USP50: variants seen among roughly 807,000 people sequenced by gnomAD.
USP50 encodes ubiquitin carboxyl-terminal hydrolase 50.
A neutral mutation model predicts 39.2 loss-of-function variants in USP50; 37 were observed. The observed-to-expected ratio is 0.94, with a 90% CI of 0.73 to 1.24. USP50 has a LOEUF of 1.24. USP50 is among the 50% of genes most tolerant of loss of function. USP50 has a pLI of 0.00. For synonymous variants in USP50, 139 were observed against 144.5 expected (o/e 0.96, Z 0.27); for missense variants, 374 against 398.2 (o/e 0.94, Z 0.52).
intron 6 of USP50, among the ~76,000 whole-genome samples, chr15:50,527,371 A>AT (rs549428010): frequency 0.017 from 2,575 of 150,070 alleles, 63 homozygotes; most frequent in African/African-American, 0.054. Context: ...CGCCTGGCTA[A>AT]TTTTTTTTTG....
At chr15:50,528,742 G>A (rs1240857417) in intron 6 of USP50, among the ~76,000 whole-genome samples, 1 of 152,184 alleles carries the variant, frequency 6.6e-6, no homozygotes, top group Admixed American at 6.5e-5. Flanking sequence ...TTGTTAAAGT[G>A]TGGAGGTATG....
rs1472032085 is a variant in USP50, at chr15:50,541,229, TC to T, written c.479del (p.Gly160AspfsTer33). The T allele has an allele frequency of 3.1e-6, 5 of 1,613,840 alleles. No individual in the cohort carries two copies. Among genetic ancestry groups the T allele is most frequent in the Non-Finnish European group, 4.2e-6 (5 of 1,179,896 alleles). ...HYSRRRSYEK[G>X]STQRCCRKWI... ...ACTTCCTGCAGCATCTCTGAGTAGA[TC>T]CTTTCTCATATGATCTTCTCCGGGA... On this transcript the variant is annotated frameshift_variant, in exon 4 of 7. Transcript: ENST00000532404. LOFTEE classifies it high-confidence loss of function.
At chr15:50,539,442 G>A (rs547507038) in intron 4 of USP50, among the ~76,000 whole-genome samples, 41 of 143,802 alleles carry the variant, frequency 2.9e-4, no homozygotes, top group African/African-American at 4.9e-4. Context: ...TTTTTGAGAC[G>A]GAGTCTCCCT....
chr15:50,527,889 G>A (rs999917497), intron 6 of USP50, among the ~76,000 whole-genome samples: 1 of 151,232 alleles, frequency 6.6e-6, no homozygotes, highest in Non-Finnish European at 1.5e-5. Context: ...TGCCCGCCTC[G>A]GCCTCCCAAT....
intron 5 of USP50, 74 bp downstream of exon 5, chr15:50,538,635 A>G (rs2053002397): frequency 7.0e-7 from 1 of 1,420,436 alleles, no homozygotes. Context: ...AAATGGGTGA[A>G]TTATTGGCAT....
intron 6 of USP50, chr15:50,505,425 A>G (rs1281538805): frequency 9.9e-5 from 15 of 152,230 alleles, no homozygotes; most frequent in Non-Finnish European, 1.5e-5. Flanking sequence ...ATTTCTAGTT[A>G]TCATCCAAGA....
At chr15:50,497,259 C>T, downstream of USP50, 2 of 1,569,624 alleles carry the variant, frequency 1.3e-6, no homozygotes, top group East Asian at 2.3e-5. Flanking sequence ...TCCTCCTGTT[C>T]AGTGAAATTA....
intron 5 of USP50, 114 bp downstream of exon 5, chr15:50,538,595 T>C: frequency 8.8e-7 from 1 of 1,141,952 alleles, no homozygotes; most frequent in East Asian, 2.7e-5. Context: ...AATAATGTAA[T>C]ATACCAAATA....
chr15:50,500,778 G>A lies in USP50; in HGVS notation c.996C>T (p.Thr332=). Residue 332 remains threonine (T), a synonymous_variant, in exon 7 of 7, where the codon ACC becomes ACT. Coordinates refer to ENST00000532404, the MANE Select transcript of USP50 (RefSeq NM_203494.5). The part of the protein sequence containing the change: ...HYTAFCKNSV[T]QA ...TGTTATCAAAGCTATATCAGGCCTG[G>A]GTGACTGAATTCTTGCAGAAAGCAG... is the stretch of plus-strand genomic sequence containing the variant. 1.9e-6 allele frequency: 3 copies of A among 1,588,704 alleles called. No individual in the cohort carries two copies. The highest frequency in any genetic ancestry group is 2.6e-6 in the Non-Finnish European group (3 of 1,166,924).
intron 3 of USP50, among the ~76,000 whole-genome samples, chr15:50,543,087 T>A (rs755854191): frequency 3.9e-5 from 6 of 152,134 alleles, no homozygotes; most frequent in Non-Finnish European, 8.8e-5. Context: ...TCAGGTTAGG[T>A]ATGTTTGGTA....
chr15:50,500,458 GC>G (rs2141335687), downstream of USP50: 1 of 259,320 alleles, frequency 3.9e-6, no homozygotes, highest in African/African-American at 2.2e-5. Flanking sequence ...TATTCACACT[GC>G]CTTTTTTAGT....
chr15:50,523,607 T>C (rs986031371), intron 6 of USP50, among the ~76,000 whole-genome samples: 1 of 152,178 alleles, frequency 6.6e-6, no homozygotes. Context: ...TACTGAAGAC[T>C]ATACGTATTG....
chr15:50,526,882 G>A (rs979823810), intron 6 of USP50, among the ~76,000 whole-genome samples: 6 of 152,170 alleles, frequency 3.9e-5, no homozygotes, highest in Admixed American at 6.5e-5. Context: ...TGCCTACCTC[G>A]TAGGCTAGAA....
chr15:50,541,114 A>G lies in USP50; in HGVS notation c.595T>C (p.Tyr199His). 2 of 1,613,916 alleles carry G rather than the reference A, an allele frequency of 1.2e-6. No individual in the cohort carries two copies. The highest frequency in any genetic ancestry group is 2.2e-5 in the South Asian group (2 of 91,056). Residue 199 changes from tyrosine to histidine, a missense_variant, in exon 4 of 7, where the codon TAC becomes CAC. By Grantham distance (83) the Tyr-to-His change is moderately conservative. Coordinates refer to ENST00000532404, the MANE Select transcript of USP50 (RefSeq NM_203494.5). ...IVCLKCEKCT[Y>H]KNEVFTVFSL... ...AAGACAGTGAAGACTTCGTTCTTGT[A>G]GGTGCATTTCTCACACTTTAAACAT...
chr15:50,531,999 A>T, intron 5 of USP50: 1 of 395,970 alleles, frequency 2.5e-6, no homozygotes, highest in Non-Finnish European at 5.0e-6. Flanking sequence ...AACATAGAGA[A>T]TCACAGACTT....
At chr15:50,496,119 G>T, downstream of USP50, 1 of 1,492,612 alleles carries the variant, frequency 6.7e-7, no homozygotes, top group Non-Finnish European at 9.2e-7. Context: ...ATGATTTATT[G>T]GATAAAAATG....
At chr15:50,525,614 GTATATA>G (rs1184789747) in intron 6 of USP50, among the ~76,000 whole-genome samples, 2 of 134,194 alleles carry the variant, frequency 1.5e-5, no homozygotes, top group African/African-American at 6.1e-5. Context: ...ATGTATATAT[GTATATA>G]TGTATATGTA....
chr15:50,511,225 G>C (rs999232107), intron 6 of USP50: 2 of 152,158 alleles, frequency 1.3e-5, no homozygotes, highest in Non-Finnish European at 2.9e-5. Flanking sequence ...TGACATACCA[G>C]TTCATACCTA....
At chr15:50,535,164 CAA>C (rs1555395809) in intron 5 of USP50, among the ~76,000 whole-genome samples, 222 of 150,776 alleles carry the variant, frequency 1.5e-3, no homozygotes, top group African/African-American at 1.9e-3. Flanking sequence ...CACACACACA[CAA>C]AAATTGATAG....
Sources: allele counts gnomAD v4.1 joint callset (sites outside exome capture counted in the v4.1 genomes callset), GRCh38; gene constraint gnomAD v4.1.1; transcripts MANE v1.5; gene names NCBI Gene and HGNC (gene_info 2026-07-23, HGNC 2026-07-21).